Variants in THADA observed in about 807,000 individuals in gnomAD.
THADA encodes the protein tRNA (32-2'-O)-methyltransferase regulator THADA.
THADA carries 213 observed loss-of-function variants against 219.8 expected under a neutral mutation model. The observed-to-expected ratio is 0.97, with a 90% confidence interval of 0.87 to 1.09. The LOEUF is 1.09. Ranked by LOEUF, THADA falls within the 50% of genes least tolerant of loss-of-function variation. The pLI is 0.00. For synonymous variants in THADA, 1,018 were observed against 828.9 expected (o/e 1.23, Z -3.92); for missense variants, 2,956 against 2,311.3 (o/e 1.28, Z -5.72).
intron 36 of THADA, among the ~76,000 whole-genome samples, chr2:43,258,690 G>C (rs948093228): frequency 6.6e-6 from 1 of 152,134 alleles, no homozygotes; most frequent in Non-Finnish European, 1.5e-5. Context: ...TTTACACTGA[G>C]GGCCAGGGGG....
At chr2:43,249,710 G>C (rs976113399) in intron 36 of THADA, among the ~76,000 whole-genome samples, 3 of 152,124 alleles carry the variant, frequency 2.0e-5, no homozygotes, top group African/African-American at 4.8e-5. Context: ...GGGTGGCTGA[G>C]TCCCTTTCTC....
intron 34 of THADA, among the ~76,000 whole-genome samples, chr2:43,291,286 C>T (rs1280483322): frequency 2.6e-5 from 4 of 151,246 alleles, no homozygotes; most frequent in Admixed American, 1.3e-4. Context: ...CCCGCCTCTA[C>T]TAAAAATACA....
intron 30 of THADA, among the ~76,000 whole-genome samples, chr2:43,329,647 C>T (rs949114518): frequency 6.6e-6 from 1 of 152,116 alleles, no homozygotes; most frequent in Non-Finnish European, 1.5e-5. Context: ...CTCAAGTGAC[C>T]TAGCCAAGAC....
At chr2:43,453,796 T>C (rs926896438) in intron 26 of THADA, among the ~76,000 whole-genome samples, 1 of 152,252 alleles carries the variant, frequency 6.6e-6, no homozygotes, top group Non-Finnish European at 1.5e-5. Flanking sequence ...TTCCGCTTAA[T>C]AGCCAGACCC....
At chr2:43,347,716 G>C (rs1353794094) in intron 29 of THADA, among the ~76,000 whole-genome samples, 1 of 152,096 alleles carries the variant, frequency 6.6e-6, no homozygotes, top group Non-Finnish European at 1.5e-5. Flanking sequence ...TAAATCTAAT[G>C]GTTCTAAAAA....
chr2:43,510,965 C>T (rs913061951), intron 22 of THADA, among the ~76,000 whole-genome samples: 2 of 148,662 alleles, frequency 1.3e-5, no homozygotes, highest in Admixed American at 6.7e-5. Flanking sequence ...AGCAAGACTC[C>T]ATCTCAAAAA....
Position 43,320,688 on chromosome 2 carries a change from G to A in THADA, c.4344-148C>T, listed in dbSNP as rs1488974553. 5.3e-6 allele frequency: 3 copies of A among 561,938 alleles called. No individual in the cohort carries two copies. In the African/African-American group the frequency reaches 5.7e-5, roughly 11 times the overall value. The allele number at this position is 561,938 out of a possible 1,614,324, so 34.8% of individuals were successfully genotyped here. On this transcript the variant is annotated intron_variant, in intron 30 of 37. Transcript: ENST00000405975. ...TAAGAAATGATGTACAATCATTGAT[G>A]GCAAGAAAATAAGCAACTAATGTGA...
Position 43,293,032 on chromosome 2 carries a change from A to T in THADA, c.4620T>A (p.Asn1540Lys), listed in dbSNP as rs770613871. ...AAAKSGERET[N>K]VPISFSQLLE... ...ACAGCTGAGAGAAAGAGATGGGGAC[A>T]TTCGTCTCCCGCTCTCCACTCTTGG... is the stretch of plus-strand genomic sequence containing the variant. Residue 1540 changes from asparagine (N) to lysine (K), a missense_variant, in exon 32 of 38, where the codon AAT becomes AAA. Coordinates refer to ENST00000405975, the MANE Select transcript of THADA (RefSeq NM_022065.5). The T allele has an allele frequency of 6.2e-6, 10 of 1,613,968 alleles. No individual in the cohort carries two copies. The highest frequency in any genetic ancestry group is 8.5e-6 in the Non-Finnish European group (10 of 1,179,904).
At chr2:43,456,551 TTTTC>T (rs761026419) in intron 26 of THADA, among the ~76,000 whole-genome samples, 1 of 152,104 alleles carries the variant, frequency 6.6e-6, no homozygotes, top group East Asian at 1.9e-4. Flanking sequence ...TTACATTTTC[TTTTC>T]TTTTCTTTTT....
At chr2:43,531,054 T>C (rs1301942792) in intron 21 of THADA, among the ~76,000 whole-genome samples, 3 of 152,224 alleles carry the variant, frequency 2.0e-5, no homozygotes, top group Admixed American at 2.0e-4. Context: ...CCATGTAAAA[T>C]GCTTCACAGC....
intron 26 of THADA, among the ~76,000 whole-genome samples, chr2:43,438,916 G>GTC (rs1201515950): frequency 6.6e-6 from 1 of 152,046 alleles, no homozygotes; most frequent in African/African-American, 2.4e-5. Context: ...AATGAATGTG[G>GTC]TCTCTCTCTA....
intron 7 of THADA, among the ~76,000 whole-genome samples, chr2:43,583,491 G>A (rs1024384199): frequency 6.6e-6 from 1 of 152,160 alleles, no homozygotes; most frequent in African/African-American, 2.4e-5. Flanking sequence ...TAAGGCAAAA[G>A]TTAGGAAAAA....
At chr2:43,479,894 C>G (rs1300631146) in intron 26 of THADA, among the ~76,000 whole-genome samples, 1 of 152,106 alleles carries the variant, frequency 6.6e-6, no homozygotes, top group Non-Finnish European at 1.5e-5. Flanking sequence ...TAAAGTCAAC[C>G]CAAAACAAAA....
chr2:43,516,291 C>T (rs1691715014), intron 22 of THADA, among the ~76,000 whole-genome samples: 1 of 152,126 alleles, frequency 6.6e-6, no homozygotes, highest in African/African-American at 2.4e-5. Context: ...CAATGGCTCC[C>T]CATTTTACTC....
At chr2:43,384,459 C>G (rs1672402518) in intron 29 of THADA, among the ~76,000 whole-genome samples, 1 of 152,174 alleles carries the variant, frequency 6.6e-6, no homozygotes, top group Non-Finnish European at 1.5e-5. Flanking sequence ...TTCTAATTTA[C>G]TCTAAGAGTT....
At chr2:43,566,847 T>TA in intron 14 of THADA, 26 bp from the exon 15 acceptor site, 1 of 1,272,282 alleles carries the variant, frequency 7.9e-7, no homozygotes, top group South Asian at 1.7e-5. Context: ...AAAATTACAG[T>TA]AAGTATAATT....
Position 43,528,808 on chromosome 2 carries a change from T to C in THADA, c.3265-820A>G, listed in dbSNP as rs138478940. On this transcript the variant is annotated intron_variant, in intron 21 of 37. Coordinates refer to ENST00000405975, the MANE Select transcript of THADA (RefSeq NM_022065.5). ...CTTTTAAAATTTTTTTTCTTTTTTA[T>C]TGTGGTAAAATATACATAATATTTA... is the stretch of plus-strand genomic sequence containing the variant. Among the ~76,000 whole-genome samples the C allele has an allele frequency of 9.1e-4, 139 of 152,316 alleles. 1 individual carries two copies. The highest frequency in any genetic ancestry group is 3.3e-3 in the African/African-American group (137 of 41,570).
chr2:43,235,983 G>T (rs1374917440), intron 36 of THADA, among the ~76,000 whole-genome samples: 3 of 151,858 alleles, frequency 2.0e-5, no homozygotes, highest in African/African-American at 7.3e-5. Flanking sequence ...AATTTTTTTT[G>T]AATTTTTAAT....
chr2:43,562,111 A>G (rs571899837), intron 15 of THADA: 1 of 152,366 alleles, frequency 6.6e-6, no homozygotes, highest in South Asian at 2.1e-4. Context: ...CTAATGGTAT[A>G]TAACACTTTT....
Sources: allele counts gnomAD v4.1 joint callset (sites outside exome capture counted in the v4.1 genomes callset), GRCh38; gene constraint gnomAD v4.1.1; transcripts MANE v1.5; gene names NCBI Gene and HGNC (gene_info 2026-07-23, HGNC 2026-07-21).